LPAR1: variants seen among roughly 807,000 people sequenced by gnomAD.
LPAR1 encodes LPA receptor 1.
In LPAR1, 5 loss-of-function variants were observed where a neutral mutation model predicts 23.8. The observed-to-expected ratio is 0.21, with a 90% CI of 0.11 to 0.44. The LOEUF is 0.44. LPAR1 is among the 20% of genes least tolerant of loss of function. The pLI is 0.99. For missense variants in LPAR1, 311 were observed against 482.8 expected, an observed-to-expected ratio of 0.64 and a Z score of 3.33; for synonymous variants, 160 against 164.7, an observed-to-expected ratio of 0.97 and a Z score of 0.22.
At chr9:111,023,511 T>C (rs1182344115) in intron 2 of LPAR1, among the ~76,000 whole-genome samples, 1 of 152,022 alleles carries the variant, frequency 6.6e-6, no homozygotes, top group African/African-American at 2.4e-5. Flanking sequence ...TTTATACATT[T>C]GGATGTTTTT....
At chr9:110,881,128 G>A (rs1164773281) in intron 5 of LPAR1, among the ~76,000 whole-genome samples, 1 of 152,070 alleles carries the variant, frequency 6.6e-6, no homozygotes, top group Non-Finnish European at 1.5e-5. Flanking sequence ...TAATTTACCT[G>A]AGGTATCTCC....
chr9:110,904,131 T>C (rs1648608322), intron 5 of LPAR1, among the ~76,000 whole-genome samples: 1 of 152,174 alleles, frequency 6.6e-6, no homozygotes, highest in Non-Finnish European at 1.5e-5. Flanking sequence ...ACTGTGTTGC[T>C]GGCAGACCTT....
chr9:110,982,480 G>T (rs892293446), intron 2 of LPAR1, among the ~76,000 whole-genome samples: 1 of 151,958 alleles, frequency 6.6e-6, no homozygotes, highest in East Asian at 1.9e-4. Flanking sequence ...CTGTCAGGGG[G>T]TGATGGACTA....
At chr9:110,982,861 T>TACACACACACACACACAAACACAC (rs2096702126) in intron 2 of LPAR1, among the ~76,000 whole-genome samples, 1 of 139,990 alleles carries the variant, frequency 7.1e-6, no homozygotes, top group Non-Finnish European at 1.6e-5. Context: ...TATATACACA[T>TACACACACACACACACAAACACAC]ACACACACAC....
At chr9:110,955,058 AAAATGACAGGAATAATCCCTC>A (rs1212802027) in intron 4 of LPAR1, among the ~76,000 whole-genome samples, 8 of 152,224 alleles carry the variant, frequency 5.3e-5, no homozygotes, top group African/African-American at 1.9e-4. Flanking sequence ...ATCAATTAAC[AAAATGACAGGAATAATCCCTC>A]ACATATCAAT....
intron 2 of LPAR1, among the ~76,000 whole-genome samples, chr9:110,990,797 C>T (rs1164174183): frequency 6.6e-6 from 1 of 151,926 alleles, no homozygotes; most frequent in Non-Finnish European, 1.5e-5. Context: ...TCTTTAAGAA[C>T]ATCAATACAA....
intron 2 of LPAR1, among the ~76,000 whole-genome samples, chr9:111,012,854 T>A (rs1401649229): frequency 6.6e-6 from 1 of 151,880 alleles, no homozygotes; most frequent in Non-Finnish European, 1.5e-5. Flanking sequence ...GAAGGAAAAT[T>A]TCGTTTAATA....
intron 5 of LPAR1, among the ~76,000 whole-genome samples, chr9:110,937,493 T>C (rs1027246767): frequency 1.3e-5 from 2 of 152,156 alleles, no homozygotes; most frequent in African/African-American, 4.8e-5. Context: ...CTTACCTCAG[T>C]TTTTATCAAC....
intron 2 of LPAR1, among the ~76,000 whole-genome samples, chr9:111,030,394 T>C (rs2097774911): frequency 6.6e-6 from 1 of 152,206 alleles, no homozygotes. Flanking sequence ...AGTTGTGTTA[T>C]TCTCTTAGTA....
intron 2 of LPAR1, among the ~76,000 whole-genome samples, chr9:110,986,783 T>C (rs1159562565): frequency 6.6e-6 from 1 of 151,026 alleles, no homozygotes; most frequent in East Asian, 1.9e-4. Context: ...CAGCAGAGAG[T>C]TCTCTTAACA....
intron 5 of LPAR1, among the ~76,000 whole-genome samples, chr9:110,910,500 C>T (rs900899697): frequency 1.3e-5 from 2 of 152,168 alleles, no homozygotes; most frequent in African/African-American, 4.8e-5. Flanking sequence ...TGACTGCTAA[C>T]CCAATATCCA....
intron 4 of LPAR1, among the ~76,000 whole-genome samples, chr9:110,959,548 G>A (rs982449421): frequency 1.3e-5 from 2 of 152,084 alleles, no homozygotes; most frequent in Non-Finnish European, 2.9e-5. Context: ...AGCCTGGGTG[G>A]TGGAGGTTGC....
At chr9:111,004,453 A>G (rs2097179219) in intron 2 of LPAR1, among the ~76,000 whole-genome samples, 1 of 152,082 alleles carries the variant, frequency 6.6e-6, no homozygotes, top group Non-Finnish European at 1.5e-5. Flanking sequence ...TTGCTTTTAC[A>G]TTTTTATATG....
At position 110,945,672 on chromosome 9, in the gene LPAR1, C is replaced by A. The variant is rs192183110; in HGVS notation, c.46-3504G>T. ...TAGAGGTCAGAAGTCCAAAATAGGT[C>A]TCACAGGACTAAAATCACCGGGAAG... On this transcript the variant is annotated intron_variant, in intron 4 of 5. Transcript: ENST00000683809. Among the ~76,000 whole-genome samples the A allele has an allele frequency of 3.9e-5, 6 of 152,272 alleles. No individual in the cohort carries two copies. The East Asian group carries it at 1.2e-3, about 29-fold the overall frequency.
At position 110,874,073 on chromosome 9, in the gene LPAR1, T is replaced by C. The variant is rs13094; in HGVS notation, c.*1348A>G. 1 of 152,414 alleles carries C rather than the reference T, an allele frequency of 6.6e-6. No individual in the cohort carries two copies. The highest frequency in any genetic ancestry group is 1.5e-5 in the Non-Finnish European group (1 of 67,992). The allele number at this position is 152,414 out of a possible 1,614,324, so 9.4% of individuals were successfully genotyped here. The stretch of plus-strand genomic sequence containing the variant: ...CAGTACAAAAGCAGGAAATCCCTTT[T>C]CATGAAAGGTGTAAGTACAAGATGA... On this transcript the variant is annotated 3_prime_UTR_variant, in exon 6 of 6. Transcript: ENST00000683809.
At chr9:111,012,128 G>A (rs1274131637) in intron 2 of LPAR1, among the ~76,000 whole-genome samples, 1 of 152,168 alleles carries the variant, frequency 6.6e-6, no homozygotes, top group East Asian at 1.9e-4. Context: ...GTGCACATCT[G>A]TGGTCCCAAC....
chr9:110,908,320 TATTA>T (rs1263233338), intron 5 of LPAR1, among the ~76,000 whole-genome samples: 3 of 149,098 alleles, frequency 2.0e-5, no homozygotes, highest in Middle Eastern at 3.6e-3. Context: ...AACAAATTAA[TATTA>T]ATTAATATAT....
At chr9:111,002,580 T>C (rs187565679) in intron 2 of LPAR1, among the ~76,000 whole-genome samples, 1 of 152,340 alleles carries the variant, frequency 6.6e-6, no homozygotes, top group East Asian at 1.9e-4. Flanking sequence ...TGTCCCAGAA[T>C]GTAAACTAAT....
intron 5 of LPAR1, among the ~76,000 whole-genome samples, chr9:110,917,494 T>A (rs1300477705): frequency 6.6e-6 from 1 of 152,210 alleles, no homozygotes; most frequent in Non-Finnish European, 1.5e-5. Context: ...GCTATATCTT[T>A]AAGCCCCACA....
Sources: allele counts gnomAD v4.1 joint callset (sites outside exome capture counted in the v4.1 genomes callset), GRCh38; gene constraint gnomAD v4.1.1; transcripts MANE v1.5; gene names NCBI Gene and HGNC (gene_info 2026-07-23, HGNC 2026-07-21).